IQSEC1: variants seen among roughly 807,000 people sequenced by gnomAD.
IQSEC1 encodes the protein IQ motif and Sec7 domain ArfGEF 1, also known as IQ motif and SEC7 domain-containing protein 1.
IQSEC1 carries 31 observed loss-of-function variants against 91.0 expected under a neutral mutation model. The observed-to-expected ratio is 0.34, with a 90% confidence interval of 0.26 to 0.46. The LOEUF (loss-of-function observed/expected upper bound fraction) is 0.46. IQSEC1 is among the 20% of genes least tolerant of loss of function. The pLI, the probability that IQSEC1 is intolerant of heterozygous loss-of-function variation, is 1.00. For missense variants in IQSEC1, 1,388 were observed against 1,575.6 expected, an observed-to-expected ratio of 0.88 and a Z score of 2.02; for synonymous variants, 699 against 662.6, an observed-to-expected ratio of 1.05 and a Z score of -0.84.
At chr3:13,046,631 C>T (rs1158118415) in intron 1 of IQSEC1, among the ~76,000 whole-genome samples, 1 of 152,112 alleles carries the variant, frequency 6.6e-6, no homozygotes, top group Non-Finnish European at 1.5e-5. Context: ...GAAGCTCCCT[C>T]CCAAACCTCC....
At chr3:13,243,850 T>G (rs901997320) in intron 1 of IQSEC1, among the ~76,000 whole-genome samples, 9 of 152,226 alleles carry the variant, frequency 5.9e-5, no homozygotes, top group Admixed American at 5.9e-4. Flanking sequence ...CCTGCTGTTC[T>G]GTTTCTGTAT....
chr3:13,038,262 G>GTATGTATATA (rs1704114423), intron 1 of IQSEC1, among the ~76,000 whole-genome samples: 1 of 101,236 alleles, frequency 9.9e-6, no homozygotes, highest in Non-Finnish European at 1.9e-5. Flanking sequence ...GTGTGTGTGT[G>GTATGTATATA]TATATATATA....
chr3:12,947,933 G>A (rs1247360396), intron 1 of IQSEC1, among the ~76,000 whole-genome samples: 1 of 152,236 alleles, frequency 6.6e-6, no homozygotes, highest in Non-Finnish European at 1.5e-5. Context: ...CTATAGGACA[G>A]TGTTGCAATG....
chr3:13,168,537 T>G lies in IQSEC1; in HGVS notation c.273-4404A>C, dbSNP rs1032932297. Among the ~76,000 whole-genome samples the G allele has an allele frequency of 3.3e-5, 5 of 152,310 alleles. No homozygotes were observed. The South Asian group carries it at 6.2e-4, about 19-fold the overall frequency. ...ACCTTCACTCTGCAGCAGTCTGCCC[T>G]TGGAACAAAATTCAAACTCCACACA... On this transcript the variant is annotated intron_variant, in intron 1 of 15. Transcript: ENST00000648114.
chr3:13,141,952 A>G (rs1212215059), intron 2 of IQSEC1, among the ~76,000 whole-genome samples: 1 of 152,218 alleles, frequency 6.6e-6, no homozygotes, highest in East Asian at 1.9e-4. Flanking sequence ...GATTTTCGGC[A>G]GCAGCAGCAG....
chr3:13,249,016 T>C (rs1450903599), intron 1 of IQSEC1, among the ~76,000 whole-genome samples: 1 of 152,150 alleles, frequency 6.6e-6, no homozygotes, highest in African/African-American at 2.4e-5. Context: ...TCCCCTCTTA[T>C]GAGAGGCTCT....
chr3:13,251,299 C>A (rs1264462137), intron 1 of IQSEC1, among the ~76,000 whole-genome samples: 2 of 152,226 alleles, frequency 1.3e-5, no homozygotes, highest in Non-Finnish European at 2.9e-5. Context: ...AAACACACTA[C>A]ATATAACCTC....
intron 2 of IQSEC1, among the ~76,000 whole-genome samples, chr3:13,136,318 CG>C (rs1046525840): frequency 2.9e-4 from 44 of 152,334 alleles, no homozygotes; most frequent in African/African-American, 1.1e-3. Context: ...CACAAGTGAA[CG>C]GGAAAACCTT....
chr3:12,965,212 G>A (rs1256609719), intron 1 of IQSEC1, among the ~76,000 whole-genome samples: 2 of 152,244 alleles, frequency 1.3e-5, no homozygotes, highest in Admixed American at 6.5e-5. Context: ...TGCCACACAC[G>A]CTCTTGGAAA....
chr3:13,179,607 C>T lies in IQSEC1; in HGVS notation c.273-15474G>A, dbSNP rs531894885. On this transcript the variant is annotated intron_variant, in intron 1 of 15. Transcript: ENST00000648114. ...ACAGCGTGCTGGCAGTCCTCACAGC[C>T]CTCGCTCGCTCTCGGCGCCTCCTCT... is the stretch of plus-strand genomic sequence containing the variant. Among the ~76,000 whole-genome samples, 25 of 152,376 alleles carry T rather than the reference C, an allele frequency of 1.6e-4. 1 individual carries two copies. The South Asian group carries it at 5.0e-3, about 30-fold the overall frequency.
Position 12,935,656 on chromosome 3 carries a change from C to T in IQSEC1, c.1360G>A (p.Gly454Ser), listed in dbSNP as rs190016439. 3 of 1,614,042 alleles carry T rather than the reference C, an allele frequency of 1.9e-6. No homozygotes were observed. Among genetic ancestry groups the T allele is most frequent in the Admixed American group, 1.7e-5 (1 of 60,036 alleles). The change falls in exon 3 of 14, where the codon GGT becomes AGT. Residue 454 changes from glycine (G) to serine (S), a missense_variant. Gly to Ser is a moderately conservative substitution (Grantham distance 56). Around this residue, in one of 2 missense-constraint regions of IQSEC1, gnomAD observed 1,059 missense variants for 1,317.8 expected, o/e 0.80. Coordinates refer to ENST00000613206, the MANE Select transcript of IQSEC1 (RefSeq NM_001134382.3). This position sits in a 1 kb window ranked among gnomAD's most constrained non-coding sequence, Gnocchi z 8.0. ...QSKSESDYSDGDNDSINSTSN... is the reference protein window; with the variant it reads ...QSKSESDYSDSDNDSINSTSN... ...GTGCTGTTGATGCTGTCATTGTCAC[C>T]GTCTGAGTAGTCCGACTCAGACTTG...
rs1016960110 is a variant in IQSEC1, at chr3:12,970,993, G to A, written c.24-29128C>T. Among the ~76,000 whole-genome samples, 2 of 152,180 alleles carry A rather than the reference G, an allele frequency of 1.3e-5. No individual in the cohort carries two copies. Among genetic ancestry groups the A allele is most frequent in the African/African-American group, 2.4e-5 (1 of 41,428 alleles). On this transcript the variant is annotated intron_variant, in intron 1 of 13. Coordinates refer to ENST00000613206, the MANE Select transcript of IQSEC1 (RefSeq NM_001134382.3). This position sits in a 1 kb window ranked among gnomAD's most constrained non-coding sequence, Gnocchi z 4.4. ...ATGGCCTGAGAGCCAAGTCCAGCCT[G>A]CTGCCTGTTTTTTTAAAATAAAGGT...
chr3:13,011,924 T>A (rs143698269), intron 1 of IQSEC1, among the ~76,000 whole-genome samples: 1 of 149,026 alleles, frequency 6.7e-6, no homozygotes, highest in African/African-American at 2.5e-5. Flanking sequence ...TGAGTGAGTC[T>A]CAAATTCTAA....
intron 2 of IQSEC1, among the ~76,000 whole-genome samples, chr3:13,082,979 G>A (rs1705670361): frequency 6.6e-6 from 1 of 152,198 alleles, no homozygotes; most frequent in African/African-American, 2.4e-5. Context: ...AGGCACGGCA[G>A]AGTGTCTATT....
chr3:12,972,563 A>C (rs1559688068), intron 1 of IQSEC1, among the ~76,000 whole-genome samples: 1 of 152,238 alleles, frequency 6.6e-6, no homozygotes, highest in Non-Finnish European at 1.5e-5. Context: ...AACCACCACT[A>C]TGTTACCATT....
intron 2 of IQSEC1, among the ~76,000 whole-genome samples, chr3:13,156,289 A>G (rs1229351725): frequency 6.6e-6 from 1 of 152,166 alleles, no homozygotes; most frequent in Non-Finnish European, 1.5e-5. Context: ...CAAAATAGGA[A>G]TGGAAAGAAA....
At chr3:13,030,546 G>T (rs1431927968) in intron 1 of IQSEC1, among the ~76,000 whole-genome samples, 2 of 152,236 alleles carry the variant, frequency 1.3e-5, no homozygotes, top group African/African-American at 4.8e-5. Flanking sequence ...AACTACAGGT[G>T]ACAGAGGAAT....
At chr3:13,194,167 T>C (rs1694084748) in intron 1 of IQSEC1, among the ~76,000 whole-genome samples, 1 of 152,060 alleles carries the variant, frequency 6.6e-6, no homozygotes, top group African/African-American at 2.4e-5. Flanking sequence ...TGTCTCCTCA[T>C]CCCGTTCTAA....
upstream of IQSEC1, among the ~76,000 whole-genome samples, chr3:13,078,308 G>A (rs114908766): frequency 2.5e-3 from 386 of 152,294 alleles, no homozygotes; most frequent in Non-Finnish European, 3.5e-3. Context: ...TAATGTGAGC[G>A]AGAGAAGGCA....
Sources: allele counts gnomAD v4.1 joint callset (sites outside exome capture counted in the v4.1 genomes callset), GRCh38; gene constraint gnomAD v4.1.1; regional missense constraint gnomAD v4.1.1; non-coding constraint Gnocchi (gnomAD v3.1); transcripts MANE v1.5; gene names NCBI Gene and HGNC (gene_info 2026-07-23, HGNC 2026-07-21).